HLA-DPA1: variants seen among roughly 807,000 people sequenced by gnomAD.
HLA-DPA1 encodes HLA class II histocompatibility antigen, DP alpha 1 chain.
Under a neutral mutation model 21.5 loss-of-function variants are expected in HLA-DPA1, and 20 were observed. The ratio of observed to expected loss-of-function variants is 0.93; its 90% confidence interval spans 0.66 to 1.35. HLA-DPA1 has a LOEUF of 1.35. Among genes scored for constraint, HLA-DPA1 ranks in the 40% most tolerant of loss-of-function variants. The pLI is 0.00. For synonymous variants in HLA-DPA1, 123 were observed against 129.6 expected, an observed-to-expected ratio of 0.95 and a Z score of 0.35; for missense variants, 279 against 323.0, an observed-to-expected ratio of 0.86 and a Z score of 1.05.
At chr6:33,067,814 A>G (rs1363779206) in intron 5 of HLA-DPA1, 1 of 152,118 alleles carries the variant, frequency 6.6e-6, no homozygotes, top group Non-Finnish European at 1.5e-5. Context: ...GAGGTTAGAT[A>G]TGGGAGTAAG....
At chr6:33,069,274 T>C (rs143266461) in exon 4 of HLA-DPA1, 1 of 1,612,898 alleles carries the variant, frequency 6.2e-7, no homozygotes, top group Non-Finnish European at 8.5e-7. Context: ...ACAGGCTCCT[T>C]GGGAAACACG....
chr6:33,068,595 C>T, intron 5 of HLA-DPA1, 43 bp downstream of exon 4: 1 of 1,506,600 alleles, frequency 6.6e-7, no homozygotes, highest in South Asian at 1.2e-5. Context: ...TCCTCCCTTC[C>T]TTACATTCTA....
At chr6:33,069,725 G>T in exon 3 of HLA-DPA1, 2 of 1,612,786 alleles carry the variant, frequency 1.2e-6, no homozygotes, top group Non-Finnish European at 1.7e-6. Context: ...AGCCCGCCCT[G>T]AGCCTCAAAG....
At chr6:33,068,259 A>C in intron 5 of HLA-DPA1, 1 of 170,674 alleles carries the variant, frequency 5.9e-6, no homozygotes, top group Non-Finnish European at 1.2e-5. Flanking sequence ...AATAGGGTGA[A>C]TAGGACAGTG....
At chr6:33,074,722 C>A (rs1762452594) in intron 1 of HLA-DPA1, among the ~76,000 whole-genome samples, 1 of 152,120 alleles carries the variant, frequency 6.6e-6, no homozygotes, top group Non-Finnish European at 1.5e-5. Context: ...TCATATTAAA[C>A]CTGAGGGAGG....
Position 33,069,621 on chromosome 6 carries a change from G to A in HLA-DPA1, c.346+20C>T. On this transcript the variant is annotated intron_variant, in intron 3 of 5. Coordinates refer to ENST00000419277, the Ensembl canonical transcript of HLA-DPA1. Reference sequence around the variant, plus strand: ...CCCTTCCAGTTGGGCTACAGAGGAAGAGGCAAAGATAGGGCGTACCGTTGG... The same window carrying A: ...CCCTTCCAGTTGGGCTACAGAGGAAAAGGCAAAGATAGGGCGTACCGTTGG... 2 of 1,610,802 alleles carry A rather than the reference G, an allele frequency of 1.2e-6. No homozygotes were observed. Among genetic ancestry groups the A allele is most frequent in the Admixed American group, 3.3e-5 (2 of 60,014 alleles).
chr6:33,080,673 G>A lies in HLA-DPA1; in HGVS notation c.-100+7C>T. On this transcript the variant is annotated splice_region_variant and intron_variant, in intron 1 of 5. Transcript: ENST00000419277. The surrounding 1 kb of genome is among the most constrained non-coding windows in gnomAD (Gnocchi z 4.3). The stretch of plus-strand genomic sequence containing the variant: ...CTCATGTCCGCCCCCTCCCCGCAGA[G>A]AATTACCTTTTCCAGGGACGGCAGG... 2 of 1,612,714 alleles carry A rather than the reference G, an allele frequency of 1.2e-6. No homozygotes were observed. The highest frequency in any genetic ancestry group is 2.2e-5 in the East Asian group (1 of 44,872).
chr6:33,068,100 A>C (rs9469341), intron 5 of HLA-DPA1: 1 of 151,924 alleles, frequency 6.6e-6, no homozygotes, highest in Non-Finnish European at 1.5e-5. Flanking sequence ...TTTTGTGTGA[A>C]CATTGCCATG....
intron 1 of HLA-DPA1, among the ~76,000 whole-genome samples, chr6:33,075,556 G>A (rs981900845): frequency 6.6e-6 from 1 of 152,116 alleles, no homozygotes; most frequent in African/African-American, 2.4e-5. Flanking sequence ...GTTCTGAGAT[G>A]GGTACTCTAA....
At chr6:33,069,527 G>T (rs34682523) in intron 3 of HLA-DPA1, 114 bp downstream of exon 2, 247,135 of 1,311,792 alleles carry the variant, frequency 0.19, 33,193 homozygotes, top group East Asian at 0.63. Flanking sequence ...TGGCCACTAG[G>T]GGAAGAGGAT....
At chr6:33,072,603 T>C (rs535837875) in intron 2 of HLA-DPA1, among the ~76,000 whole-genome samples, 11 of 152,340 alleles carry the variant, frequency 7.2e-5, no homozygotes, top group African/African-American at 2.6e-4. Context: ...CTCTTTATTC[T>C]ACACATCTTA....
intron 1 of HLA-DPA1, among the ~76,000 whole-genome samples, chr6:33,077,077 AC>A (rs1762578462): frequency 2.1e-5 from 1 of 48,746 alleles, no homozygotes; most frequent in Admixed American, 3.2e-4. Flanking sequence ...CCCTCCCCCC[AC>A]CCCACAACAG....
At chr6:33,068,889 G>C (rs1762103474) in intron 4 of HLA-DPA1, 85 bp from the exon 4 acceptor site, 2 of 1,549,948 alleles carry the variant, frequency 1.3e-6, no homozygotes, top group East Asian at 4.5e-5. Flanking sequence ...GAAGGTTATG[G>C]ACCAGTTAAT....
At chr6:33,073,373 A>T (rs774631829) in intron 2 of HLA-DPA1, 98 bp downstream of exon 1, 9 of 785,034 alleles carry the variant, frequency 1.1e-5, no homozygotes, top group Non-Finnish European at 2.0e-5. Flanking sequence ...GACCAGATAG[A>T]TCAATGAGCC....
At chr6:33,075,307 G>A (rs145916639) in intron 1 of HLA-DPA1, among the ~76,000 whole-genome samples, 1 of 152,204 alleles carries the variant, frequency 6.6e-6, no homozygotes, top group Non-Finnish European at 1.5e-5. Flanking sequence ...AAGTCCAAGA[G>A]AGGCAGTGTC....
At chr6:33,074,292 A>C (rs1333462926) in intron 1 of HLA-DPA1, among the ~76,000 whole-genome samples, 1 of 152,144 alleles carries the variant, frequency 6.6e-6, no homozygotes, top group Admixed American at 6.5e-5. Flanking sequence ...AAACAGTGTA[A>C]TAACATTTTT....
At chr6:33,075,234 T>C (rs1762479544) in intron 1 of HLA-DPA1, among the ~76,000 whole-genome samples, 1 of 152,222 alleles carries the variant, frequency 6.6e-6, no homozygotes, top group Non-Finnish European at 1.5e-5. Flanking sequence ...TTGATCTCAT[T>C]TGATCTTAAG....
In HLA-DPA1 at chr6:33,073,685, G is replaced by C. The variant is rs1037435292; in HGVS notation, c.-99-16C>G. The C allele has an allele frequency of 1.4e-6, 1 of 708,010 alleles. No homozygotes were observed. Among genetic ancestry groups the C allele is most frequent in the Non-Finnish European group, 2.5e-6 (1 of 398,492 alleles). The allele number at this position is 708,010 out of a possible 1,614,324, so 43.9% of individuals were successfully genotyped here. On this transcript the variant is annotated splice_polypyrimidine_tract_variant and intron_variant, in intron 1 of 5. Transcript: ENST00000419277. Reference sequence around the variant, plus strand: ...GCCTCTAGCACTGGAAATGGGTGGAGAGGAATCAGCATGGCTGGGATTCAC... The same window carrying C: ...GCCTCTAGCACTGGAAATGGGTGGACAGGAATCAGCATGGCTGGGATTCAC...
chr6:33,069,246 T>C (rs775934301), exon 4 of HLA-DPA1: 1 of 1,612,962 alleles, frequency 6.2e-7, no homozygotes, highest in South Asian at 1.1e-5. Flanking sequence ...GATGAGGGTG[T>C]TGGGCTGGCC....
Sources: gnomAD v4.1 joint callset for allele counts (sites outside exome capture counted in the v4.1 genomes callset) on GRCh38, gnomAD v4.1.1 for gene constraint, Gnocchi (gnomAD v3.1) non-coding constraint, MANE v1.5 for transcripts, NCBI Gene and HGNC (gene_info 2026-07-23, HGNC 2026-07-21) for gene names.